The following UNC79 variants were observed in gnomAD, a reference collection of about 807,000 sequenced individuals.
The protein encoded by UNC79 is protein unc-79 homolog.
In UNC79, 37 loss-of-function variants were observed where a neutral mutation model predicts 283.1. The observed-to-expected ratio is 0.13, with a 90% CI of 0.10 to 0.17. The LOEUF is 0.17. Among genes scored for constraint, UNC79 ranks in the 10% least tolerant of loss-of-function variants. The pLI is 1.00. For synonymous variants in UNC79, 1,107 were observed against 1,200.2 expected (o/e 0.92, Z 1.61); for missense variants, 2,272 against 3,211.1 (o/e 0.71, Z 7.07).
chr14:93,529,431 G>T (rs994728776), intron 10 of UNC79, 105 bp downstream of exon 10: 66 of 1,174,844 alleles, frequency 5.6e-5, no homozygotes, highest in Non-Finnish European at 7.6e-5. Flanking sequence ...AGTCACCAAA[G>T]TATTGTATTG....
At position 93,690,440 on chromosome 14, in the gene UNC79, T is replaced by C; in HGVS notation, c.7272+137T>C. On this transcript the variant is annotated intron_variant, in intron 45 of 48. Coordinates refer to ENST00000555664, the Ensembl canonical transcript of UNC79. The surrounding 1 kb of genome is among the most constrained non-coding windows in gnomAD (Gnocchi z 4.3). ...TGTGGATGTTAGAAACACAACTTTG[T>C]GCTAATGTCTTATTTAAAGTTGTTT... is the stretch of plus-strand genomic sequence containing the variant. 1.0e-6 allele frequency: 1 copy of C among 976,992 alleles called. No homozygotes were observed. The highest frequency in any genetic ancestry group is 2.7e-5 in the East Asian group (1 of 37,316). The allele number at this position is 976,992 out of a possible 1,614,324, so 60.5% of individuals were successfully genotyped here.
At chr14:93,408,623 C>A (rs764700862) in intron 1 of UNC79, among the ~76,000 whole-genome samples, 12 of 152,112 alleles carry the variant, frequency 7.9e-5, no homozygotes, top group Non-Finnish European at 1.5e-4. Flanking sequence ...GCCCAGAAGG[C>A]CAAGGCCACA....
chr14:93,534,953 A>G (rs1468981287), intron 11 of UNC79, among the ~76,000 whole-genome samples: 1 of 152,228 alleles, frequency 6.6e-6, no homozygotes, highest in Non-Finnish European at 1.5e-5. Context: ...TCAGAATTGT[A>G]TGAGCTTGCC....
chr14:93,337,185 C>G (rs1035887802), intron 1 of UNC79, among the ~76,000 whole-genome samples: 2 of 152,198 alleles, frequency 1.3e-5, no homozygotes, highest in Non-Finnish European at 2.9e-5. Context: ...GCCCATGGAC[C>G]AATCAGCATG....
intron 1 of UNC79, among the ~76,000 whole-genome samples, chr14:93,388,352 C>T: frequency 6.6e-6 from 1 of 152,184 alleles, no homozygotes; most frequent in East Asian, 1.9e-4. Context: ...GCATACCCTT[C>T]CTTTCTTCTT....
At chr14:93,381,700 A>G (rs538584034) in intron 1 of UNC79, among the ~76,000 whole-genome samples, 1 of 152,350 alleles carries the variant, frequency 6.6e-6, no homozygotes, top group South Asian at 2.1e-4. Context: ...GTAGAATGCT[A>G]GGAGAACATT....
chr14:93,570,832 C>T (rs990130364), intron 14 of UNC79, among the ~76,000 whole-genome samples: 13 of 152,170 alleles, frequency 8.5e-5, no homozygotes, highest in Admixed American at 6.5e-5. Context: ...CTTGTTCCAA[C>T]GTACTATTCA....
At chr14:93,698,016 T>G (rs2141014215) in intron 47 of UNC79, among the ~76,000 whole-genome samples, 1 of 152,348 alleles carries the variant, frequency 6.6e-6, no homozygotes, top group South Asian at 2.1e-4. Flanking sequence ...AACTATATTG[T>G]TTTACTTCCA....
chr14:93,505,581 CT>C (rs1264002179), intron 7 of UNC79, among the ~76,000 whole-genome samples: 1 of 151,990 alleles, frequency 6.6e-6, no homozygotes, highest in Non-Finnish European at 1.5e-5. Context: ...GCATATAGTT[CT>C]TTAAACTCAA....
intron 42 of UNC79, among the ~76,000 whole-genome samples, chr14:93,686,245 A>G (rs2074229802): frequency 6.6e-6 from 1 of 152,228 alleles, no homozygotes; most frequent in African/African-American, 2.4e-5. Context: ...TGCTAATGGC[A>G]TGACATAGGC....
chr14:93,589,077 C>T (rs773489653), intron 22 of UNC79, among the ~76,000 whole-genome samples: 5 of 152,026 alleles, frequency 3.3e-5, no homozygotes, highest in Non-Finnish European at 7.4e-5. Flanking sequence ...ACAGCCTGCA[C>T]GAGGAAAGCA....
chr14:93,475,903 T>C (rs2057772040), intron 3 of UNC79, among the ~76,000 whole-genome samples: 1 of 152,222 alleles, frequency 6.6e-6, no homozygotes, highest in South Asian at 2.1e-4. Context: ...CTTTGTGACA[T>C]TGTTATTTAG....
intron 33 of UNC79, among the ~76,000 whole-genome samples, chr14:93,642,478 G>A (rs116395499): frequency 0.011 from 1,668 of 150,740 alleles, 36 homozygotes; most frequent in African/African-American, 0.038. Flanking sequence ...GCTGATGTGA[G>A]TATCCCTGTA....
chr14:93,612,718 TATC>T (rs2066398955), intron 26 of UNC79, 76 bp from the exon 28 acceptor site: 1 of 1,530,380 alleles, frequency 6.5e-7, no homozygotes, highest in Non-Finnish European at 8.8e-7. Context: ...AAGGGTGCCT[TATC>T]AATATCTAAG....
intron 29 of UNC79, among the ~76,000 whole-genome samples, chr14:93,620,451 T>G (rs1193789307): frequency 1.3e-5 from 2 of 152,194 alleles, no homozygotes; most frequent in African/African-American, 2.4e-5. Context: ...AGATTTTTTT[T>G]TCTTTTTTGG....
At chr14:93,705,405 C>T (rs138002903) in intron 48 of UNC79, among the ~76,000 whole-genome samples, 2,212 of 147,442 alleles carry the variant, frequency 0.015, 49 homozygotes, top group African/African-American at 0.05. Context: ...TGGAGGATAC[C>T]TAGGCACATT....
At chr14:93,528,773 T>G in intron 9 of UNC79, 127 bp downstream of exon 9, 2 of 867,500 alleles carry the variant, frequency 2.3e-6, no homozygotes, top group Non-Finnish European at 3.6e-6. Context: ...TAAAGGTTAA[T>G]TATTCTGATA....
chr14:93,514,871 T>C (rs1484839836), intron 7 of UNC79, among the ~76,000 whole-genome samples: 1 of 152,194 alleles, frequency 6.6e-6, no homozygotes, highest in Admixed American at 6.5e-5. Context: ...CTGAAACCAG[T>C]TTGTCCAGTG....
intron 1 of UNC79, among the ~76,000 whole-genome samples, chr14:93,419,008 A>T (rs1386109139): frequency 6.6e-6 from 1 of 151,708 alleles, no homozygotes; most frequent in Non-Finnish European, 1.5e-5. Context: ...GTTTCGGCTC[A>T]TGCACGGTGC....
Sources: allele counts gnomAD v4.1 joint callset (sites outside exome capture counted in the v4.1 genomes callset), GRCh38; gene constraint gnomAD v4.1.1; non-coding constraint Gnocchi (gnomAD v3.1); transcripts MANE v1.5; gene names NCBI Gene and HGNC (gene_info 2026-07-23, HGNC 2026-07-21).